The following FEZ2 variants were observed in gnomAD, a reference collection of about 807,000 sequenced individuals.
The protein encoded by FEZ2 is fasciculation and elongation protein zeta 2, also known as fasciculation and elongation protein zeta-2.
Under a neutral mutation model 40.4 loss-of-function variants are expected in FEZ2, and 51 were observed. That is an observed-to-expected ratio of 1.26 (90% confidence interval 1.01 to 1.59). FEZ2 has a LOEUF of 1.59. Among genes scored for constraint, FEZ2 ranks in the 40% most tolerant of loss-of-function variants. The probability of loss-of-function intolerance (pLI) is 0.00; values close to 1 mark genes in which losing one functional copy is unlikely to be tolerated. For synonymous variants in FEZ2, 242 were observed against 172.0 expected (o/e 1.41, Z -3.18); for missense variants, 640 against 438.3 (o/e 1.46, Z -4.11).
At position 36,583,350 on chromosome 2, in the gene FEZ2, T is replaced by C. The variant is rs746076395; in HGVS notation, c.492+3A>G. 3 of 1,484,440 alleles carry C rather than the reference T, an allele frequency of 2.0e-6. No individual in the cohort carries two copies. Among genetic ancestry groups the C allele is most frequent in the African/African-American group, 1.4e-5 (1 of 72,310 alleles). The allele number at this position is 1,484,440 out of a possible 1,614,324, so 92.0% of individuals were successfully genotyped here. ...CTTGCGTTGCTGAGGATCTCCTCTA[T>C]ACCTGGTCTGCCGTGAAGAGGGGTT... On this transcript the variant is annotated splice_donor_region_variant and intron_variant, in intron 3 of 7. Coordinates refer to ENST00000405912, the MANE Select transcript of FEZ2 (RefSeq NM_005102.3).
rs1668649752 is a variant in FEZ2, at chr2:36,578,752, C to T, written c.748G>A (p.Glu250Lys). 6 of 1,613,994 alleles carry T rather than the reference C, an allele frequency of 3.7e-6. No homozygotes were observed. Among genetic ancestry groups the T allele is most frequent in the Non-Finnish European group, 4.2e-6 (5 of 1,179,874 alleles). ...CTGTTTTTCACTTCCTTTTCAAACT[C>T]CAGTTCATCTCGTAAAGCCAACTGC... ...VQQLALRDELEFEKEVKNSFI... is the reference protein window; with the variant it reads ...VQQLALRDELKFEKEVKNSFI... The change falls in exon 5 of 8, where the codon GAG becomes AAG. Residue 250 changes from glutamate (E) to lysine (K), a missense_variant. Physicochemically the swap from Glu to Lys is moderately conservative, Grantham distance 56. Coordinates refer to ENST00000405912, the MANE Select transcript of FEZ2 (RefSeq NM_005102.3).
At chr2:36,588,851 G>A (rs536022833) in intron 2 of FEZ2, among the ~76,000 whole-genome samples, 2 of 151,652 alleles carry the variant, frequency 1.3e-5, no homozygotes, top group East Asian at 3.9e-4. Context: ...TGGTGGGCCC[G>A]CTGTACATTT....
In FEZ2 at chr2:36,574,025, A is replaced by G. The variant is rs934658591; in HGVS notation, c.903+4572T>C. ...AACTAGTTTTGCTAACCAAAAGAAA[A>G]TAATTCAATTTTAGGAAAATGGTAA... On this transcript the variant is annotated intron_variant, in intron 5 of 7. Coordinates refer to ENST00000405912, the MANE Select transcript of FEZ2 (RefSeq NM_005102.3). 2.0e-5 allele frequency among the ~76,000 whole-genome samples: 3 copies of G among 152,362 alleles called. 1 individual carries two copies. In the East Asian group the frequency reaches 5.8e-4, roughly 29 times the overall value.
chr2:36,560,290 A>G (rs1425184550), intron 5 of FEZ2, among the ~76,000 whole-genome samples: 1 of 152,230 alleles, frequency 6.6e-6, no homozygotes, highest in Non-Finnish European at 1.5e-5. Context: ...CTGACTATGC[A>G]ATACACCTTA....
intron 2 of FEZ2, among the ~76,000 whole-genome samples, chr2:36,587,483 T>C (rs920758511): frequency 1.3e-5 from 2 of 152,148 alleles, no homozygotes; most frequent in Non-Finnish European, 2.9e-5. Flanking sequence ...ATGGAAAAAA[T>C]GTGCCCACGT....
intron 5 of FEZ2, among the ~76,000 whole-genome samples, chr2:36,566,407 CAAT>C (rs898114524): frequency 2.7e-5 from 4 of 148,158 alleles, no homozygotes; most frequent in African/African-American, 1.0e-4. Context: ...TAAAGAGAAA[CAAT>C]AAAGAAAGAA....
intron 5 of FEZ2, among the ~76,000 whole-genome samples, chr2:36,578,130 A>C (rs1264109649): frequency 6.6e-6 from 1 of 152,226 alleles, no homozygotes; most frequent in Non-Finnish European, 1.5e-5. Flanking sequence ...AATCAGGAGG[A>C]ACCTGTTTAC....
intron 5 of FEZ2, among the ~76,000 whole-genome samples, chr2:36,564,914 G>T (rs908787848): frequency 9.9e-5 from 15 of 152,198 alleles, no homozygotes; most frequent in Admixed American, 7.2e-4. Flanking sequence ...CCCCCGTTGT[G>T]TGCCAATGTG....
chr2:36,555,791 T>A (rs752823497), intron 6 of FEZ2, 43 bp from the exon 7 acceptor site: 2 of 1,130,756 alleles, frequency 1.8e-6, no homozygotes, highest in Non-Finnish European at 1.3e-6. Context: ...ATTAAAAATT[T>A]AGATCAAAAA....
chr2:36,574,978 G>A (rs147984436), intron 5 of FEZ2, among the ~76,000 whole-genome samples: 11 of 152,330 alleles, frequency 7.2e-5, no homozygotes, highest in African/African-American at 2.6e-4. Flanking sequence ...TCAATGAGGA[G>A]AAGCAGTGGT....
chr2:36,554,258 T>C (rs1533946), intron 7 of FEZ2: 174,174 of 470,624 alleles, frequency 0.37, 33,562 homozygotes, highest in East Asian at 0.6. Context: ...TTCACAATTA[T>C]AGTCCTAGGT....
intron 4 of FEZ2, 36 bp from the exon 5 acceptor site, chr2:36,578,901 C>A (rs751467481): frequency 6.4e-7 from 1 of 1,573,888 alleles, no homozygotes; most frequent in Admixed American, 1.9e-5. Context: ...GATATTAAGA[C>A]AAAAACATTT....
intron 5 of FEZ2, among the ~76,000 whole-genome samples, chr2:36,576,103 T>A (rs965737838): frequency 1.1e-4 from 16 of 152,174 alleles, no homozygotes; most frequent in African/African-American, 3.9e-4. Flanking sequence ...CAAGACTGCA[T>A]GTGATATAAA....
intron 5 of FEZ2, among the ~76,000 whole-genome samples, chr2:36,573,982 A>G (rs848625): frequency 0.91 from 138,997 of 152,242 alleles, 63,664 homozygotes; most frequent in East Asian, 1. Flanking sequence ...AAATTCTATC[A>G]GTTTCAGTGA....
At chr2:36,581,688 G>T in intron 3 of FEZ2, 1 of 370,382 alleles carries the variant, frequency 2.7e-6, no homozygotes, top group Non-Finnish European at 5.2e-6. Context: ...GATTCAGAAG[G>T]CCCTAACATG....
chr2:36,557,790 C>T (rs1667993450), intron 6 of FEZ2: 1 of 152,052 alleles, frequency 6.6e-6, no homozygotes, highest in Non-Finnish European at 1.5e-5. Context: ...GAATTCAAGG[C>T]TCATTTGCGG....
In FEZ2 at chr2:36,555,742, C is replaced by T. The variant is rs771708004; in HGVS notation, c.986G>A (p.Arg329His). Residue 329 changes from arginine to histidine, a missense_variant, in exon 7 of 8, where the codon CGT becomes CAT. Transcript: ENST00000405912. ...EDLQILTKIL[R>H]AMKEDSEKVP... is the part of the protein sequence containing the mutation. ...TTTTTCACTGTCCTCCTTCATGGCA[C>T]GAAGAACTGCAAAATAGAAGAGGGG... is the stretch of plus-strand genomic sequence containing the variant. 9 of 1,570,066 alleles carry T rather than the reference C, an allele frequency of 5.7e-6. No individual in the cohort carries two copies. The highest frequency in any genetic ancestry group is 1.2e-5 in the South Asian group (1 of 85,602).
chr2:36,595,386 G>A (rs1426069440), intron 1 of FEZ2, among the ~76,000 whole-genome samples: 1 of 151,982 alleles, frequency 6.6e-6, no homozygotes, highest in African/African-American at 2.4e-5. Flanking sequence ...TCAAGCATTA[G>A]ATTCTCATAA....
intron 7 of FEZ2, chr2:36,554,363 G>C (rs902700496): frequency 1.1e-5 from 5 of 469,166 alleles, no homozygotes; most frequent in Admixed American, 4.7e-5. Context: ...AAAATAGCTA[G>C]AGAATGCTTC....
Sources: allele counts gnomAD v4.1 joint callset (sites outside exome capture counted in the v4.1 genomes callset), GRCh38; gene constraint gnomAD v4.1.1; transcripts MANE v1.5; gene names NCBI Gene and HGNC (gene_info 2026-07-23, HGNC 2026-07-21).